Variants in OPCML observed in about 807,000 individuals in gnomAD.
OPCML encodes the protein opioid-binding protein/cell adhesion molecule.
In OPCML, 13 loss-of-function variants were observed where a neutral mutation model predicts 37.8. The ratio of observed to expected loss-of-function variants is 0.34; its 90% confidence interval spans 0.22 to 0.55. The LOEUF is 0.55. Ranked by LOEUF, OPCML falls within the 20% of genes least tolerant of loss-of-function variation. The pLI is 0.91. For missense variants in OPCML, 341 were observed against 435.6 expected (o/e 0.78, Z 1.93); for synonymous variants, 176 against 168.8 (o/e 1.04, Z -0.33).
chr11:132,848,044 C>T (rs1193995507), intron 2 of OPCML, among the ~76,000 whole-genome samples: 5 of 152,060 alleles, frequency 3.3e-5, no homozygotes, highest in Admixed American at 2.6e-4. Context: ...TGATCAAGTC[C>T]CTATCGTATT....
intron 3 of OPCML, among the ~76,000 whole-genome samples, chr11:132,611,618 T>A (rs978515566): frequency 6.6e-6 from 1 of 152,120 alleles, no homozygotes; most frequent in Non-Finnish European, 1.5e-5. Flanking sequence ...TGAACACAAA[T>A]GTGTTATATT....
chr11:132,892,854 G>C (rs1943705108), intron 2 of OPCML, among the ~76,000 whole-genome samples: 1 of 152,202 alleles, frequency 6.6e-6, no homozygotes, highest in South Asian at 2.1e-4. Flanking sequence ...AGAGCAAGAA[G>C]CTAAAAGCAA....
intron 2 of OPCML, among the ~76,000 whole-genome samples, chr11:132,875,214 A>G (rs2136408012): frequency 6.6e-6 from 1 of 152,302 alleles, no homozygotes; most frequent in Non-Finnish European, 1.5e-5. Context: ...TTACTGTTGA[A>G]TCCATCTTTC....
intron 1 of OPCML, among the ~76,000 whole-genome samples, chr11:133,129,901 T>C (rs1949577410): frequency 6.6e-6 from 1 of 152,066 alleles, no homozygotes. Context: ...AAGCAAGAAC[T>C]TATCTCTAAA....
Position 132,969,588 on chromosome 11 carries a change from C to T in OPCML, c.62-26578G>A, listed in dbSNP as rs567123076. On this transcript the variant is annotated intron_variant, in intron 1 of 7. Coordinates refer to ENST00000524381, the MANE Select transcript of OPCML (RefSeq NM_001012393.5). ...AGTGGTGTTCCATATGCCCTTGTGG[C>T]TCTGTTCACTTTTCTTCACACTTTT... 4.6e-5 allele frequency among the ~76,000 whole-genome samples: 7 copies of T among 152,306 alleles called. No homozygotes were observed. In the South Asian group the frequency reaches 8.3e-4, roughly 18 times the overall value.
chr11:133,383,253 G>A (rs1944970259), intron 1 of OPCML, among the ~76,000 whole-genome samples: 1 of 152,118 alleles, frequency 6.6e-6, no homozygotes, highest in Non-Finnish European at 1.5e-5. Context: ...CCAGAGCCCT[G>A]TGAGAGCTCA....
chr11:132,980,214 C>G (rs890277124), intron 1 of OPCML, among the ~76,000 whole-genome samples: 10 of 152,140 alleles, frequency 6.6e-5, no homozygotes, highest in African/African-American at 2.2e-4. Context: ...CCTGAGGTCT[C>G]AGTAACCTCT....
At chr11:132,480,337 C>T (rs533213060) in intron 4 of OPCML, among the ~76,000 whole-genome samples, 32 of 152,174 alleles carry the variant, frequency 2.1e-4, no homozygotes, top group Admixed American at 1.3e-3. Context: ...TAAAAAGAAA[C>T]GAGTAAAGCC....
chr11:132,814,746 G>A (rs151192677), intron 2 of OPCML, among the ~76,000 whole-genome samples: 374 of 152,274 alleles, frequency 2.5e-3, no homozygotes, highest in Non-Finnish European at 2.6e-3. Flanking sequence ...TAGCCTCATG[G>A]AGTTTATTGT....
chr11:133,074,986 G>A (rs1360488249), intron 1 of OPCML, among the ~76,000 whole-genome samples: 1 of 152,118 alleles, frequency 6.6e-6, no homozygotes, highest in Admixed American at 6.5e-5. Flanking sequence ...ACCAGGAAGT[G>A]GCACCTAGGG....
chr11:132,965,508 C>T (rs909032640), intron 1 of OPCML, among the ~76,000 whole-genome samples: 13 of 151,914 alleles, frequency 8.6e-5, no homozygotes, highest in Admixed American at 2.6e-4. Context: ...ATATTTTTGT[C>T]GTTGTTGTTG....
At chr11:132,427,910 G>A (rs1414886393) in intron 7 of OPCML, among the ~76,000 whole-genome samples, 1 of 152,174 alleles carries the variant, frequency 6.6e-6, no homozygotes, top group Non-Finnish European at 1.5e-5. Context: ...CAGGTTGGGG[G>A]AAAATACAAA....
intron 2 of OPCML, among the ~76,000 whole-genome samples, chr11:132,886,534 C>T (rs1322970020): frequency 2.6e-5 from 4 of 152,228 alleles, no homozygotes; most frequent in South Asian, 2.1e-4. Flanking sequence ...CTGGGTAATC[C>T]GAGTTTTCAG....
intron 1 of OPCML, among the ~76,000 whole-genome samples, chr11:133,412,763 A>T (rs1468226107): frequency 6.6e-6 from 1 of 152,256 alleles, no homozygotes; most frequent in Non-Finnish European, 1.5e-5. Context: ...GGAATCAAGT[A>T]GCCAAGAAAG....
At chr11:133,458,730 CAT>C (rs1469068747) in intron 1 of OPCML, among the ~76,000 whole-genome samples, 2 of 126,716 alleles carry the variant, frequency 1.6e-5, no homozygotes, top group Non-Finnish European at 3.1e-5. Flanking sequence ...TATATATACA[CAT>C]AGATGCACGT....
chr11:133,169,092 G>C (rs1239280704), intron 1 of OPCML, among the ~76,000 whole-genome samples: 2 of 152,164 alleles, frequency 1.3e-5, no homozygotes, highest in Non-Finnish European at 2.9e-5. Flanking sequence ...TCGCGCCATT[G>C]CACTCCAGCC....
At chr11:132,591,343 A>G (rs1270556974) in intron 3 of OPCML, among the ~76,000 whole-genome samples, 1 of 152,228 alleles carries the variant, frequency 6.6e-6, no homozygotes. Context: ...CTCTCAAGAA[A>G]TGTGTTTCAT....
intron 4 of OPCML, among the ~76,000 whole-genome samples, chr11:132,470,150 C>G (rs1295348041): frequency 6.6e-6 from 1 of 152,014 alleles, no homozygotes; most frequent in Non-Finnish European, 1.5e-5. Flanking sequence ...ATAGAGAACA[C>G]ATTGTTGCAG....
intron 1 of OPCML, among the ~76,000 whole-genome samples, chr11:133,090,675 C>T (rs555611820): frequency 6.6e-6 from 1 of 152,190 alleles, no homozygotes; most frequent in African/African-American, 2.4e-5. Flanking sequence ...AACCTCCAAG[C>T]AAATGTTCAG....
Sources: allele counts gnomAD v4.1 joint callset (sites outside exome capture counted in the v4.1 genomes callset), GRCh38; gene constraint gnomAD v4.1.1; transcripts MANE v1.5; gene names NCBI Gene and HGNC (gene_info 2026-07-23, HGNC 2026-07-21).